The following PHF8 variants were observed in gnomAD, a reference collection of about 807,000 sequenced individuals.
The protein encoded by PHF8 is PHD finger protein 8, also known as histone lysine demethylase PHF8.
Under a neutral mutation model 74.4 loss-of-function variants are expected in PHF8, and 9 were observed. That is an observed-to-expected ratio of 0.12 (90% CI 0.07 to 0.21). The LOEUF is 0.21. PHF8 is among the 10% of genes least tolerant of loss of function. The probability of loss-of-function intolerance (pLI) is 1.00; values close to 1 mark genes in which losing one functional copy is unlikely to be tolerated. For missense variants in PHF8, 478 were observed against 816.6 expected (o/e 0.59, Z 5.05); for synonymous variants, 311 against 316.6 (o/e 0.98, Z 0.19).
chrX:53,974,581 T>A lies in PHF8; in HGVS notation c.2443+10333A>T, dbSNP rs188647243. Among the ~76,000 whole-genome samples the A allele has an allele frequency of 3.1e-3, 352 of 111,763 alleles. 2 individuals carry two copies. The highest frequency in any genetic ancestry group is 0.011 in the African/African-American group (339 of 30,778). ...GGATATATACCCAAAGGAATATAAA[T>A]AATTCTATTATAAAGATACGTGCAC... On this transcript the variant is annotated intron_variant, in intron 18 of 21. Transcript: ENST00000338154.
Position 54,025,612 on chromosome X carries a change from TA to T in PHF8, c.99-2770del, listed in dbSNP as rs1160487468. Among the ~76,000 whole-genome samples the T allele has an allele frequency of 6.3e-5, 7 of 111,532 alleles. No homozygotes were observed. The Admixed American group carries it at 6.7e-4, about 11-fold the overall frequency. ...CTGGAGACACAACATTCCAGGCACT[TA>T]GTTCTTTGATCTTCTCATCTTCAGA... On this transcript the variant is annotated intron_variant, in intron 2 of 21. Coordinates refer to ENST00000338154, the MANE Select transcript of PHF8 (RefSeq NM_015107.3).
chrX:54,017,405 G>A (rs1557108501), intron 5 of PHF8, among the ~76,000 whole-genome samples: 2 of 112,255 alleles, frequency 1.8e-5, no homozygotes, highest in African/African-American at 3.2e-5. Flanking sequence ...AGTTAATTGC[G>A]CCACTGTACT....
Position 53,939,161 on chromosome X carries a change from C to T in PHF8, c.3072G>A (p.Leu1024=). ...LKIHRNGKLL[L] ...GAGGGGTGGGACACAGGAGGGCTCA[C>T]AGAAGTAGTTTGCCATTTCTGTGGA... Residue 1024 remains leucine, a synonymous_variant, in exon 22 of 22, where the codon CTG becomes CTA. Transcript: ENST00000338154. The T allele has an allele frequency of 8.3e-7, 1 of 1,208,726 alleles. No individual in the cohort carries two copies. Among genetic ancestry groups the T allele is most frequent in the Non-Finnish European group, 1.1e-6 (1 of 893,106 alleles).
Position 53,995,791 on chromosome X carries a change from C to A in PHF8, c.1234-9G>T. On this transcript the variant is annotated splice_polypyrimidine_tract_variant and intron_variant, in intron 11 of 21. Coordinates refer to ENST00000338154, the MANE Select transcript of PHF8 (RefSeq NM_015107.3). ...TCATGGTCTGGCAGAGCCTGTCAAA[C>A]AAGAGGCATGAGGAATAAACCCACA... is the stretch of plus-strand genomic sequence containing the variant. The A allele has an allele frequency of 8.9e-7, 1 of 1,121,632 alleles. No individual in the cohort carries two copies. Among genetic ancestry groups the A allele is most frequent in the Non-Finnish European group, 1.2e-6 (1 of 815,125 alleles). The allele number at this position is 1,121,632 out of a possible 1,213,427, so 92.4% of individuals were successfully genotyped here.
intron 2 of PHF8, among the ~76,000 whole-genome samples, chrX:54,034,598 G>C (rs1443427134): frequency 1.8e-5 from 2 of 110,013 alleles, no homozygotes; most frequent in Non-Finnish European, 3.8e-5. Flanking sequence ...CGAGACGTGT[G>C]GATCATTTGA....
chrX:53,948,751 C>A (rs782310274), intron 19 of PHF8, among the ~76,000 whole-genome samples: 5 of 111,207 alleles, frequency 4.5e-5, no homozygotes, highest in African/African-American at 1.6e-4. Flanking sequence ...CGGCCGGGCA[C>A]GGTGGCTCAC....
At chrX:54,020,919 G>A (rs1284756606) in intron 4 of PHF8, among the ~76,000 whole-genome samples, 6 of 111,886 alleles carry the variant, frequency 5.4e-5, no homozygotes, top group African/African-American at 9.7e-5. Flanking sequence ...ACTACCATTC[G>A]ACCCAGCAAT....
intron 11 of PHF8, among the ~76,000 whole-genome samples, chrX:53,996,209 C>G (rs933513385): frequency 9.1e-6 from 1 of 110,284 alleles, no homozygotes; most frequent in Non-Finnish European, 1.9e-5. Flanking sequence ...CCCCGCCTCC[C>G]GGGTTCAAGC....
At chrX:54,004,253 G>A (rs1346301844) in intron 8 of PHF8, among the ~76,000 whole-genome samples, 1 of 111,304 alleles carries the variant, frequency 9.0e-6, no homozygotes, top group South Asian at 3.7e-4. Context: ...ACCAGGCAAA[G>A]GATTCAAAGA....
chrX:53,944,566 A>C (rs2064802849), intron 19 of PHF8: 2 of 226,577 alleles, frequency 8.8e-6, no homozygotes, highest in Non-Finnish European at 1.6e-5. Flanking sequence ...AAAAATTAAA[A>C]AGTTAGCCAG....
At chrX:54,020,118 G>A (rs1366343963) in intron 4 of PHF8, among the ~76,000 whole-genome samples, 6 of 111,786 alleles carry the variant, frequency 5.4e-5, no homozygotes, top group Non-Finnish European at 7.5e-5. Flanking sequence ...CCCAGGAGGC[G>A]GAGGTTGCAG....
At chrX:54,011,873 A>G (rs2065987955) in intron 7 of PHF8, among the ~76,000 whole-genome samples, 1 of 109,871 alleles carries the variant, frequency 9.1e-6, no homozygotes, top group Non-Finnish European at 1.9e-5. Flanking sequence ...AAAAAAAAAA[A>G]AAAAAAAAGA....
At chrX:53,958,008 T>G (rs2065039255) in intron 19 of PHF8, among the ~76,000 whole-genome samples, 1 of 110,827 alleles carries the variant, frequency 9.0e-6, no homozygotes, top group Admixed American at 9.7e-5. Context: ...GTACAACTTT[T>G]CTGGAAAACA....
intron 6 of PHF8, among the ~76,000 whole-genome samples, chrX:54,015,832 C>A (rs1290486016): frequency 9.0e-6 from 1 of 110,962 alleles, no homozygotes; most frequent in South Asian, 3.7e-4. Flanking sequence ...AGACTATATA[C>A]GTATCTACTG....
chrX:53,985,350 A>G (rs782797966), intron 17 of PHF8, 123 bp from the exon 18 acceptor site: 13 of 583,632 alleles, frequency 2.2e-5, no homozygotes, highest in Non-Finnish European at 3.1e-5. Context: ...GAAAAAGGGG[A>G]GAATCATCCA....
rs782167367 is a variant in PHF8 at position 54,014,332 on chromosome X, G to A, written c.783+45C>T. 27 of 886,283 alleles carry A rather than the reference G, an allele frequency of 3.0e-5. No homozygotes were observed. In the Middle Eastern group the frequency reaches 1.4e-3, roughly 45 times the overall value. 73.0% of individuals were successfully genotyped at this position (886,283 alleles called of 1,213,427 possible). A position where few individuals can be genotyped will look rare whatever the true frequency, so the allele number is the denominator to read the frequency against. Reference sequence around the variant, plus strand: ...TGTGCTGCCATGTGACACGTACAGGGAGGCCCAAGGCCTGGCTGCCTCCAG... The same window carrying A: ...TGTGCTGCCATGTGACACGTACAGGAAGGCCCAAGGCCTGGCTGCCTCCAG... On this transcript the variant is annotated intron_variant, in intron 7 of 21. Transcript: ENST00000338154.
chrX:53,950,941 A>G (rs2064913981), intron 19 of PHF8, among the ~76,000 whole-genome samples: 1 of 112,152 alleles, frequency 8.9e-6, no homozygotes, highest in African/African-American at 3.2e-5. Flanking sequence ...ACTGTCCCTG[A>G]CTTCCTAGAC....
At chrX:53,980,428 C>T (rs782772211) in intron 18 of PHF8, among the ~76,000 whole-genome samples, 4 of 110,777 alleles carry the variant, frequency 3.6e-5, no homozygotes, top group Admixed American at 2.9e-4. Context: ...GGCAGCAAGA[C>T]GAAGGCCATC....
chrX:54,042,959 A>G, intron 1 of PHF8, 139 bp from the exon 2 acceptor site: 1 of 546,435 alleles, frequency 1.8e-6, no homozygotes, highest in East Asian at 4.0e-5. Flanking sequence ...AACCAGAGAA[A>G]GTCCACCCGG....
Sources: allele counts gnomAD v4.1 joint callset (sites outside exome capture counted in the v4.1 genomes callset), GRCh38; gene constraint gnomAD v4.1.1; transcripts MANE v1.5; gene names NCBI Gene and HGNC (gene_info 2026-07-23, HGNC 2026-07-21).